The following PRKN variants were observed in gnomAD, a reference collection of about 807,000 sequenced individuals.
PRKN encodes parkin RBR E3 ubiquitin protein ligase.
A neutral mutation model predicts 59.5 loss-of-function variants in PRKN; 56 were observed. The ratio of observed to expected loss-of-function variants is 0.94; its 90% CI spans 0.76 to 1.18. PRKN has a LOEUF of 1.18. Among genes scored for constraint, PRKN ranks in the 50% most tolerant of loss-of-function variants. The pLI is 0.00. For missense variants in PRKN, 657 were observed against 596.4 expected (o/e 1.10, Z -1.06); for synonymous variants, 250 against 222.1 (o/e 1.13, Z -1.12).
At chr6:161,919,685 C>A (rs1441975248) in intron 6 of PRKN, among the ~76,000 whole-genome samples, 1 of 152,162 alleles carries the variant, frequency 6.6e-6, no homozygotes, top group Admixed American at 6.5e-5. Flanking sequence ...GCAGCTGGAG[C>A]CTCAGTACTC....
At chr6:162,388,614 G>A (rs1786974887) in intron 2 of PRKN, among the ~76,000 whole-genome samples, 2 of 152,126 alleles carry the variant, frequency 1.3e-5, no homozygotes, top group African/African-American at 4.8e-5. Context: ...CATGGGTGGA[G>A]CTTTCAGAGG....
intron 1 of PRKN, among the ~76,000 whole-genome samples, chr6:162,516,914 T>A (rs1325378931): frequency 6.6e-6 from 1 of 152,176 alleles, no homozygotes; most frequent in African/African-American, 2.4e-5. Flanking sequence ...TGCTCAGATA[T>A]ACACTTGCCC....
intron 6 of PRKN, among the ~76,000 whole-genome samples, chr6:161,957,409 GT>G (rs1203607451): frequency 0.017 from 2,136 of 127,436 alleles, 59 homozygotes; most frequent in African/African-American, 0.058. Context: ...TGTTCTTGTT[GT>G]TTTTTTTTTG....
At position 161,748,352 on chromosome 6, in the gene PRKN, CG is replaced by C. The variant is rs111671615; in HGVS notation, c.871+37419del. Among the ~76,000 whole-genome samples the C allele has an allele frequency of 2.3e-3, 342 of 149,988 alleles. 1 individual carries two copies. Among genetic ancestry groups the C allele is most frequent in the African/African-American group, 7.7e-3 (313 of 40,532 alleles). On this transcript the variant is annotated intron_variant, in intron 7 of 11. Coordinates refer to ENST00000366898, the MANE Select transcript of PRKN (RefSeq NM_004562.3). ...TTGCTGATCCCGAATCACTCTCTTA[CG>C]TTTTTTTTTTGTCTGTGTACCACAA...
chr6:161,383,367 G>A (rs13217906), intron 10 of PRKN, among the ~76,000 whole-genome samples: 11,164 of 152,302 alleles, frequency 0.073, 468 homozygotes, highest in Admixed American at 0.1. Flanking sequence ...TGGTAAATTC[G>A]CTCATAGAGA....
chr6:161,900,928 A>ATATATATT (rs377615355), intron 6 of PRKN, among the ~76,000 whole-genome samples: 42 of 143,512 alleles, frequency 2.9e-4, no homozygotes, highest in African/African-American at 8.8e-4. Flanking sequence ...ATATATATAT[A>ATATATATT]TTTTTTAGAT....
chr6:162,574,764 G>GTTTTTTTTT (rs371613068), intron 1 of PRKN, among the ~76,000 whole-genome samples: 1 of 86,324 alleles, frequency 1.2e-5, no homozygotes, highest in Non-Finnish European at 2.3e-5. Context: ...ATGATACTAA[G>GTTTTTTTTT]TTGTTTTTTT....
chr6:162,374,260 G>T (rs974178751), intron 2 of PRKN, among the ~76,000 whole-genome samples: 1 of 152,152 alleles, frequency 6.6e-6, no homozygotes, highest in African/African-American at 2.4e-5. Context: ...TTATTGGGAA[G>T]TAGTTGGATA....
intron 4 of PRKN, among the ~76,000 whole-genome samples, chr6:162,072,901 C>T (rs1398768836): frequency 6.6e-6 from 1 of 152,174 alleles, no homozygotes; most frequent in Non-Finnish European, 1.5e-5. Context: ...TTAGTGGGTA[C>T]TGCTGAATAA....
chr6:162,011,420 T>A (rs1282623088), intron 5 of PRKN, among the ~76,000 whole-genome samples: 4 of 13,340 alleles, frequency 3.0e-4, no homozygotes, highest in African/African-American at 1.8e-3. Context: ...TATATTATAT[T>A]TTATAATATA....
At position 161,484,953 on chromosome 6, in the gene PRKN, T is replaced by C. The variant is rs1338396991; in HGVS notation, c.1083+63901A>G. ...GCCTTTGCTGCCGCCGGCTTCCCCC[T>C]GCTTCTTTGAGGCAAAAATCAGGTC... On this transcript the variant is annotated intron_variant, in intron 9 of 11. Transcript: ENST00000366898. The surrounding 1 kb of genome is among the most constrained non-coding windows in gnomAD (Gnocchi z 4.9). Among the ~76,000 whole-genome samples the C allele has an allele frequency of 6.6e-6, 1 of 152,182 alleles. No homozygotes were observed. The highest frequency in any genetic ancestry group is 1.5e-5 in the Non-Finnish European group (1 of 68,042).
chr6:161,477,247 G>A (rs747317832), intron 9 of PRKN, among the ~76,000 whole-genome samples: 1 of 152,244 alleles, frequency 6.6e-6, no homozygotes, highest in Non-Finnish European at 1.5e-5. Context: ...GCCAGGCGCG[G>A]TGGCTCACGC....
chr6:161,907,075 G>T (rs964391347), intron 6 of PRKN, among the ~76,000 whole-genome samples: 1 of 152,092 alleles, frequency 6.6e-6, no homozygotes, highest in African/African-American at 2.4e-5. Context: ...GCATCCTTCA[G>T]TCCAATCAAG....
chr6:162,666,884 T>C (rs1779124419), intron 1 of PRKN, among the ~76,000 whole-genome samples: 1 of 152,128 alleles, frequency 6.6e-6, no homozygotes, highest in African/African-American at 2.4e-5. Flanking sequence ...TGACTAATTC[T>C]TGTTTCCATT....
At chr6:161,749,367 A>G (rs1289755871) in intron 7 of PRKN, among the ~76,000 whole-genome samples, 1 of 152,202 alleles carries the variant, frequency 6.6e-6, no homozygotes, top group Non-Finnish European at 1.5e-5. Flanking sequence ...GTATAATCGT[A>G]TACCTTACAT....
chr6:162,343,565 A>G (rs748729070), intron 2 of PRKN, among the ~76,000 whole-genome samples: 5 of 152,190 alleles, frequency 3.3e-5, no homozygotes, highest in Non-Finnish European at 7.3e-5. Context: ...AGTATATTGG[A>G]TATCTGAGAC....
At chr6:161,779,951 A>G (rs1468531300) in intron 7 of PRKN, among the ~76,000 whole-genome samples, 1 of 152,172 alleles carries the variant, frequency 6.6e-6, no homozygotes, top group Non-Finnish European at 1.5e-5. Flanking sequence ...CTCTGTAAAT[A>G]TACACATACA....
Position 161,499,692 on chromosome 6 carries a change from C to A in PRKN, c.1083+49162G>T, listed in dbSNP as rs540895796. 6.6e-6 allele frequency among the ~76,000 whole-genome samples: 1 copy of A among 152,294 alleles called. No homozygotes were observed. Among genetic ancestry groups the A allele is most frequent in the East Asian group, 1.9e-4 (1 of 5,186 alleles). ...TGGTTTCTGCATTTTCCATAAGTAA[C>A]CCTTTCCCTTGACAATTCTTAGGCA... On this transcript the variant is annotated intron_variant, in intron 9 of 11. Transcript: ENST00000366898. This position sits in a 1 kb window ranked among gnomAD's most constrained non-coding sequence, Gnocchi z 4.2.
chr6:161,524,843 C>G (rs2115367947), intron 9 of PRKN, among the ~76,000 whole-genome samples: 1 of 152,268 alleles, frequency 6.6e-6, no homozygotes, highest in East Asian at 1.9e-4. Flanking sequence ...TGGAGGGAGA[C>G]ACTCATCTGC....
Sources: gnomAD v4.1 joint callset for allele counts (sites outside exome capture counted in the v4.1 genomes callset) on GRCh38, gnomAD v4.1.1 for gene constraint, Gnocchi (gnomAD v3.1) non-coding constraint, MANE v1.5 for transcripts, NCBI Gene and HGNC (gene_info 2026-07-23, HGNC 2026-07-21) for gene names.